Variants in FAM193B observed in about 807,000 individuals in gnomAD.
FAM193B encodes family with sequence similarity 193 member B.
FAM193B carries 27 observed loss-of-function variants against 70.7 expected under a neutral mutation model. The observed-to-expected ratio is 0.38, with a 90% CI of 0.28 to 0.53. FAM193B has a LOEUF of 0.53. FAM193B is among the 20% of genes least tolerant of loss of function. The pLI is 0.81. For missense variants in FAM193B, 1,022 were observed against 1,072.5 expected (o/e 0.95, Z 0.66); for synonymous variants, 448 against 436.0 (o/e 1.03, Z -0.34).
rs942952446 is a variant in FAM193B at position 177,534,878 on chromosome 5, A to G, written c.1076+1480T>C. ...AGCAATCTTTCTGCCTCGGCCTCCC[A>G]AAGGGCTGGGATTATAGGCATGAGC... On this transcript the variant is annotated intron_variant, in intron 4 of 8. Transcript: ENST00000514747. Among the ~76,000 whole-genome samples the G allele has an allele frequency of 6.6e-5, 10 of 152,328 alleles. No individual in the cohort carries two copies. The East Asian group carries it at 1.4e-3, about 21-fold the overall frequency.
At chr5:177,548,930 G>A (rs1255342159) in intron 1 of FAM193B, among the ~76,000 whole-genome samples, 1 of 152,116 alleles carries the variant, frequency 6.6e-6, no homozygotes, top group Non-Finnish European at 1.5e-5. Context: ...CTCTCCAAAT[G>A]AGTGGTGCTC....
Position 177,539,091 on chromosome 5 carries a change from T to C in FAM193B, c.267A>G (p.Glu89=), listed in dbSNP as rs899239186. 4 of 1,610,456 alleles carry C rather than the reference T, an allele frequency of 2.5e-6. No homozygotes were observed. Among genetic ancestry groups the C allele is most frequent in the Non-Finnish European group, 3.4e-6 (4 of 1,178,230 alleles). ...VQTCCLLCHR[E]RKGWEEGPSQ... ...AAGGGCCTTCTTCCCAGCCTTTGCG[T>C]TCCCGGTGACACAGCAGGCAGCAAG... Residue 89 remains glutamate, a synonymous_variant, in exon 2 of 9, where the codon GAA becomes GAG. Transcript: ENST00000514747.
In FAM193B at chr5:177,532,358, A is replaced by G; in HGVS notation, c.1275+85T>C. 2 of 1,519,514 alleles carry G rather than the reference A, an allele frequency of 1.3e-6. No homozygotes were observed. Among genetic ancestry groups the G allele is most frequent in the African/African-American group, 1.4e-5 (1 of 71,412 alleles). 94.1% of individuals were successfully genotyped at this position (1,519,514 alleles called of 1,614,324 possible). A position where few individuals can be genotyped will look rare whatever the true frequency, so the allele number is the denominator to read the frequency against. ...AGCACGGTAATTACCACCGTGAGCAACGGGGTCTCTGGGGAGAGCAGGGTG... is the reference window on the plus strand; with the variant it reads ...AGCACGGTAATTACCACCGTGAGCAGCGGGGTCTCTGGGGAGAGCAGGGTG... On this transcript the variant is annotated intron_variant, in intron 5 of 8. Transcript: ENST00000514747. This position sits in a 1 kb window ranked among gnomAD's most constrained non-coding sequence, Gnocchi z 4.9.
chr5:177,520,596 C>T lies in FAM193B; in HGVS notation c.*2-415G>A, dbSNP rs542591041. Among the ~76,000 whole-genome samples, 179 of 152,214 alleles carry T rather than the reference C, an allele frequency of 1.2e-3. 2 individuals are homozygous for T. The Middle Eastern group carries it at 0.014, about 12-fold the overall frequency. ...CTTCTATCTTGGAAAAGAGGCCAGA[C>T]CAGGTGAAAAAGGGTCAAGAGGAGG... On this transcript the variant is annotated intron_variant, in intron 8 of 8. Coordinates refer to ENST00000514747, the MANE Select transcript of FAM193B (RefSeq NM_001190946.3).
rs150181678 is a variant in FAM193B at position 177,538,398 on chromosome 5, T to C, written c.454-291A>G. Among the ~76,000 whole-genome samples the C allele has an allele frequency of 9.9e-5, 15 of 152,202 alleles. No individual in the cohort carries two copies. In the East Asian group the frequency reaches 2.9e-3, roughly 29 times the overall value. ...CCTTTGGGGAGTAGAGAGCGGCCAA[T>C]GACAGGAAGGGCCTTTTGACCAGGA... On this transcript the variant is annotated intron_variant, in intron 2 of 8. Coordinates refer to ENST00000514747, the MANE Select transcript of FAM193B (RefSeq NM_001190946.3). This position sits in a 1 kb window ranked among gnomAD's most constrained non-coding sequence, Gnocchi z 4.1.
In FAM193B at chr5:177,532,726, C is replaced by T; in HGVS notation, c.1077-85G>A. On this transcript the variant is annotated intron_variant, in intron 4 of 8. Transcript: ENST00000514747. The surrounding 1 kb of genome is among the most constrained non-coding windows in gnomAD (Gnocchi z 4.9). ...TCCCAACCACCACCTGCCATCCTGA[C>T]CGCCCTTCACTTGCCCCACTCCACA... 1.5e-6 allele frequency: 2 copies of T among 1,306,096 alleles called. No homozygotes were observed. Among genetic ancestry groups the T allele is most frequent in the Non-Finnish European group, 2.0e-6 (2 of 992,680 alleles). 80.9% of individuals were successfully genotyped at this position (1,306,096 alleles called of 1,614,324 possible). A position where few individuals can be genotyped will look rare whatever the true frequency, so the allele number is the denominator to read the frequency against.
At chr5:177,543,470 G>C (rs1184940005) in intron 1 of FAM193B, among the ~76,000 whole-genome samples, 2 of 152,204 alleles carry the variant, frequency 1.3e-5, no homozygotes, top group Admixed American at 1.3e-4. Context: ...CTCTGAGTTT[G>C]GTACACTTGA....
chr5:177,548,676 A>G lies in FAM193B; in HGVS notation c.210+5573T>C, dbSNP rs539356969. Among the ~76,000 whole-genome samples, 3 of 152,280 alleles carry G rather than the reference A, an allele frequency of 2.0e-5. No homozygotes were observed. The South Asian group carries it at 6.2e-4, about 32-fold the overall frequency. ...TGTAAGTCTGGGATAGGGTCCAGCA[A>G]AGCACAGGGGATCTGATGATTATTA... On this transcript the variant is annotated intron_variant, in intron 1 of 8. Coordinates refer to ENST00000514747, the MANE Select transcript of FAM193B (RefSeq NM_001190946.3).
chr5:177,547,132 TTG>T (rs1765527487), intron 1 of FAM193B: 1 of 152,120 alleles, frequency 6.6e-6, no homozygotes, highest in Non-Finnish European at 1.5e-5. Context: ...TTTTACAGAG[TTG>T]TGAGGACAGA....
Position 177,554,234 on chromosome 5 carries a change from C to T in FAM193B, c.210+15G>A, listed in dbSNP as rs1349067314. The T allele has an allele frequency of 2.0e-6, 3 of 1,487,114 alleles. No individual in the cohort carries two copies. The highest frequency in any genetic ancestry group is 2.7e-6 in the Non-Finnish European group (3 of 1,122,954). 92.1% of individuals were successfully genotyped at this position (1,487,114 alleles called of 1,614,324 possible). On this transcript the variant is annotated intron_variant, in intron 1 of 8. Transcript: ENST00000514747. ...AAAGCGCCCGAGCCGCCGAAGTCTCCCCGCTCGCTCCTACCTGCGGGCCGG... is the reference window on the plus strand; with the variant it reads ...AAAGCGCCCGAGCCGCCGAAGTCTCTCCGCTCGCTCCTACCTGCGGGCCGG...
intron 1 of FAM193B, among the ~76,000 whole-genome samples, chr5:177,548,115 G>C (rs1367128494): frequency 6.6e-6 from 1 of 152,004 alleles, no homozygotes; most frequent in East Asian, 1.9e-4. Context: ...CTTTTTTTTA[G>C]GCTCGATCTG....
intron 5 of FAM193B, chr5:177,531,516 G>A (rs747962091): frequency 4.2e-5 from 55 of 1,305,008 alleles, no homozygotes; most frequent in African/African-American, 7.6e-5. Context: ...TCGGGGCAGC[G>A]GGTGGCTGGG....
intron 1 of FAM193B, among the ~76,000 whole-genome samples, chr5:177,541,269 CTAGA>C (rs1764817973): frequency 6.6e-6 from 1 of 152,178 alleles, no homozygotes; most frequent in Admixed American, 6.5e-5. Context: ...CACAGTAACT[CTAGA>C]TAGAGTCCCT....
intron 1 of FAM193B, among the ~76,000 whole-genome samples, chr5:177,539,728 T>C (rs1272550438): frequency 6.6e-6 from 1 of 152,188 alleles, no homozygotes; most frequent in Admixed American, 6.5e-5. Flanking sequence ...AAGGTAAGGC[T>C]CTGGTTGGTG....
chr5:177,523,812 G>T, intron 7 of FAM193B, 145 bp downstream of exon 7: 1 of 840,752 alleles, frequency 1.2e-6, no homozygotes, highest in Non-Finnish European at 1.9e-6. Context: ...GCTGGTGGGA[G>T]AGGGCCTGGG....
At chr5:177,553,137 G>T (rs1766520631) in intron 1 of FAM193B, 6 of 983,462 alleles carry the variant, frequency 6.1e-6, no homozygotes, top group African/African-American at 1.7e-5. Flanking sequence ...AGGCTTTGTG[G>T]GAAGGTACCC....
At position 177,536,544 on chromosome 5, in the gene FAM193B, GC is replaced by G; in HGVS notation, c.889del (p.Ala297LeufsTer24). ...PAQASECPVA[A>X]ATAPHTPGPC... ...CCCTGGAGTGTGGGGGGCAGTGGCA[GC>G]AGCAACAGGGCACTCTGAAGCCTGG... On this transcript the variant is annotated frameshift_variant, in exon 4 of 9. Coordinates refer to ENST00000514747, the MANE Select transcript of FAM193B (RefSeq NM_001190946.3). LOFTEE classifies it high-confidence loss of function. The G allele has an allele frequency of 5.2e-6, 8 of 1,536,756 alleles. No homozygotes were observed. The highest frequency in any genetic ancestry group is 7.0e-6 in the Non-Finnish European group (8 of 1,148,206).
At chr5:177,535,280 C>A (rs374935627) in intron 4 of FAM193B, among the ~76,000 whole-genome samples, 1 of 152,312 alleles carries the variant, frequency 6.6e-6, no homozygotes, top group East Asian at 1.9e-4. Flanking sequence ...AAGAACACCA[C>A]AAGAGAACAC....
chr5:177,528,995 G>A (rs1435139485), intron 5 of FAM193B, among the ~76,000 whole-genome samples: 1 of 152,122 alleles, frequency 6.6e-6, no homozygotes, highest in East Asian at 1.9e-4. Flanking sequence ...GAGTGAGTGA[G>A]TGATGGGTCA....
Sources: allele counts gnomAD v4.1 joint callset (sites outside exome capture counted in the v4.1 genomes callset), GRCh38; gene constraint gnomAD v4.1.1; non-coding constraint Gnocchi (gnomAD v3.1); transcripts MANE v1.5; gene names NCBI Gene and HGNC (gene_info 2026-07-23, HGNC 2026-07-21).